The following DOCK2 variants were observed in gnomAD, a reference collection of about 807,000 sequenced individuals.
DOCK2 encodes the protein dedicator of cytokinesis protein 2.
A neutral mutation model predicts 248.9 loss-of-function variants in DOCK2; 87 were observed. The observed-to-expected ratio is 0.35, with a 90% CI of 0.29 to 0.42. The LOEUF is 0.42. Ranked by LOEUF, DOCK2 falls within the 10% of genes least tolerant of loss-of-function variation. The pLI is 1.00. For synonymous variants in DOCK2, 805 were observed against 821.6 expected (o/e 0.98, Z 0.35); for missense variants, 1,747 against 2,300.2 (o/e 0.76, Z 4.92).
At chr5:170,027,553 G>T (rs1755961193) in intron 33 of DOCK2, among the ~76,000 whole-genome samples, 3 of 152,070 alleles carry the variant, frequency 2.0e-5, no homozygotes, top group African/African-American at 7.2e-5. Flanking sequence ...TTGAAAACAA[G>T]CTCAAATAAC....
chr5:169,789,463 C>A (rs556327271), intron 25 of DOCK2, among the ~76,000 whole-genome samples: 2 of 152,344 alleles, frequency 1.3e-5, no homozygotes, highest in East Asian at 3.9e-4. Context: ...CAATTGACTG[C>A]TTCTTTCCTT....
At chr5:169,796,559 A>T (rs1766668324) in intron 25 of DOCK2, among the ~76,000 whole-genome samples, 1 of 152,174 alleles carries the variant, frequency 6.6e-6, no homozygotes, top group African/African-American at 2.4e-5. Context: ...ACTTTCATTT[A>T]TGGGATGACA....
intron 26 of DOCK2, among the ~76,000 whole-genome samples, chr5:169,825,206 T>G (rs1386249989): frequency 1.3e-5 from 2 of 152,124 alleles, no homozygotes; most frequent in African/African-American, 2.4e-5. Context: ...GTGGAAGACA[T>G]TTTGGCGATT....
intron 23 of DOCK2, among the ~76,000 whole-genome samples, chr5:169,754,561 A>G (rs1001894349): frequency 4.6e-5 from 7 of 152,186 alleles, no homozygotes; most frequent in South Asian, 2.1e-4. Context: ...TTCAAAAACT[A>G]TTCTTACAAA....
chr5:170,027,719 G>A, intron 33 of DOCK2, 144 bp from the exon 34 acceptor site: 1 of 687,220 alleles, frequency 1.5e-6, no homozygotes, highest in South Asian at 2.0e-5. Flanking sequence ...ATAGTATTCT[G>A]TTCCATTTTG....
intron 26 of DOCK2, among the ~76,000 whole-genome samples, chr5:169,816,152 C>G (rs1023501239): frequency 1.3e-5 from 2 of 152,132 alleles, no homozygotes; most frequent in African/African-American, 4.8e-5. Flanking sequence ...GATTTGCTCT[C>G]CTGGTATAAA....
intron 27 of DOCK2, among the ~76,000 whole-genome samples, chr5:169,860,907 T>A (rs1173565226): frequency 6.6e-6 from 1 of 152,242 alleles, no homozygotes; most frequent in African/African-American, 2.4e-5. Flanking sequence ...TTATTTCATA[T>A]TCTATTTTTG....
intron 17 of DOCK2, among the ~76,000 whole-genome samples, chr5:169,713,059 C>G (rs79354224): frequency 6.6e-6 from 1 of 152,224 alleles, no homozygotes; most frequent in African/African-American, 2.4e-5. Flanking sequence ...AACACAGCCT[C>G]GTCAAGGCTT....
At chr5:170,077,873 C>A in intron 48 of DOCK2, 36 bp downstream of exon 48, 4 of 1,596,984 alleles carry the variant, frequency 2.5e-6, no homozygotes, top group Non-Finnish European at 3.4e-6. Context: ...CCCCACACCC[C>A]TGCCTCCCTG....
At position 169,783,435 on chromosome 5, in the gene DOCK2, T is replaced by G. The variant is rs139482282; in HGVS notation, c.2555-19623T>G. Among the ~76,000 whole-genome samples the G allele has an allele frequency of 6.0e-3, 914 of 152,312 alleles. 10 individuals carry two copies. Among genetic ancestry groups the G allele is most frequent in the African/African-American group, 0.021 (869 of 41,566 alleles). On this transcript the variant is annotated intron_variant, in intron 25 of 51. Transcript: ENST00000520908. ...TGTCAGTTTTTTGGTTCTTGGCTTC[T>G]TGATCTGTAAAATCTGGATTATAGT...
At chr5:170,041,422 C>A (rs574630209) in intron 37 of DOCK2, among the ~76,000 whole-genome samples, 1 of 152,288 alleles carries the variant, frequency 6.6e-6, no homozygotes, top group South Asian at 2.1e-4. Flanking sequence ...AAATCATTGG[C>A]ATGCCCACTG....
At chr5:170,077,677 A>G in intron 47 of DOCK2, 33 bp from the exon 48 acceptor site, 1 of 1,611,272 alleles carries the variant, frequency 6.2e-7, no homozygotes, top group South Asian at 1.1e-5. Context: ...TCCCCAGGCT[A>G]CAGCTGCTAA....
chr5:169,746,696 G>A (rs1294201017), intron 22 of DOCK2, among the ~76,000 whole-genome samples: 1 of 152,044 alleles, frequency 6.6e-6, no homozygotes, highest in Non-Finnish European at 1.5e-5. Flanking sequence ...TTTACATGAG[G>A]GACTGGTTCT....
Position 169,850,699 on chromosome 5 carries a change from G to C in DOCK2, c.2799+9847G>C, listed in dbSNP as rs548384559. On this transcript the variant is annotated intron_variant, in intron 27 of 51. Coordinates refer to ENST00000520908, the MANE Select transcript of DOCK2 (RefSeq NM_004946.3). ...AAGCATTGCCTTAATAAGGACTTTGGTGAACACATATCAGGGCATACTAGG... is the reference window on the plus strand; with the variant it reads ...AAGCATTGCCTTAATAAGGACTTTGCTGAACACATATCAGGGCATACTAGG... 2.5e-3 allele frequency among the ~76,000 whole-genome samples: 377 copies of C among 152,282 alleles called. 19 individuals are homozygous for C. In the South Asian group the frequency reaches 0.074, roughly 30 times the overall value.
At chr5:170,055,511 C>T (rs909528486) in intron 42 of DOCK2, 125 bp downstream of exon 42, 11 of 816,792 alleles carry the variant, frequency 1.3e-5, no homozygotes, top group Admixed American at 1.1e-4. Flanking sequence ...GCCAGTTTTT[C>T]CCCCCTTTTC....
chr5:169,677,094 G>A (rs770746428), intron 6 of DOCK2, among the ~76,000 whole-genome samples: 21 of 152,280 alleles, frequency 1.4e-4, no homozygotes, highest in Admixed American at 7.2e-4. Context: ...AACCAACACA[G>A]GTGCCTCTTT....
At chr5:169,956,500 A>G (rs1373218882) in intron 27 of DOCK2, among the ~76,000 whole-genome samples, 1 of 152,228 alleles carries the variant, frequency 6.6e-6, no homozygotes, top group Non-Finnish European at 1.5e-5. Context: ...GGGACTTCCA[A>G]ACAAATGCTT....
rs757155691 is a variant in DOCK2 at position 170,055,312 on chromosome 5, G to A, written c.4221G>A (p.Gln1407=). 1.9e-6 allele frequency: 3 copies of A among 1,614,054 alleles called. No homozygotes were observed. Among genetic ancestry groups the A allele is most frequent in the Admixed American group, 3.3e-5 (2 of 60,026 alleles). ...TAACTACAGGGATTCCAGATATCCA[G>A]TGCTTCACTGTCCAGCCTGTCTTGG... ...DVKNAPGQYI[Q]CFTVQPVLDE... is the part of the protein sequence containing the mutation. Residue 1407 remains glutamine (Q), a synonymous_variant, in exon 42 of 52, where the codon CAG becomes CAA. Coordinates refer to ENST00000520908, the MANE Select transcript of DOCK2 (RefSeq NM_004946.3).
intron 27 of DOCK2, chr5:169,882,487 C>T: frequency 2.2e-6 from 3 of 1,350,376 alleles, no homozygotes; most frequent in East Asian, 2.5e-5. Context: ...CCAAAGCTGT[C>T]TCTGCCCCTG....
Sources: gnomAD v4.1 joint callset for allele counts (sites outside exome capture counted in the v4.1 genomes callset) on GRCh38, gnomAD v4.1.1 for gene constraint, MANE v1.5 for transcripts, NCBI Gene and HGNC (gene_info 2026-07-23, HGNC 2026-07-21) for gene names.